Variants in HSD17B12 observed in about 807,000 individuals in gnomAD.
HSD17B12 encodes the protein hydroxysteroid 17-beta dehydrogenase 12.
In HSD17B12, 32 loss-of-function variants were observed where a neutral mutation model predicts 39.3. The observed-to-expected ratio is 0.81, with a 90% CI of 0.61 to 1.09. HSD17B12 has a LOEUF of 1.09. HSD17B12 is among the 50% of genes least tolerant of loss of function. The pLI is 0.00. For missense variants in HSD17B12, 342 were observed against 382.9 expected, an observed-to-expected ratio of 0.89 and a Z score of 0.89; for synonymous variants, 150 against 146.7, an observed-to-expected ratio of 1.02 and a Z score of -0.16.
At chr11:43,719,148 C>G (rs1950153104) in intron 1 of HSD17B12, 2 of 757,226 alleles carry the variant, frequency 2.6e-6, no homozygotes, top group Non-Finnish European at 4.8e-6. Context: ...ATCATCTAAA[C>G]TTAGTCCAGA....
intron 1 of HSD17B12, among the ~76,000 whole-genome samples, chr11:43,716,636 G>A (rs934993377): frequency 6.6e-6 from 1 of 150,812 alleles, no homozygotes; most frequent in Non-Finnish European, 1.5e-5. Flanking sequence ...TTCCTCTCCT[G>A]GAGGAATTAA....
chr11:43,731,695 C>T (rs1950268871), intron 1 of HSD17B12, among the ~76,000 whole-genome samples: 2 of 152,234 alleles, frequency 1.3e-5, no homozygotes, highest in South Asian at 4.1e-4. Context: ...AATTTGGAAA[C>T]AGATACTTCC....
intron 3 of HSD17B12, among the ~76,000 whole-genome samples, chr11:43,772,050 C>T (rs1014020687): frequency 4.6e-5 from 7 of 152,084 alleles, no homozygotes; most frequent in East Asian, 1.9e-4. Flanking sequence ...CTGTCTCTCT[C>T]GAAAGCTGAA....
chr11:43,714,040 C>T (rs1950096614), intron 1 of HSD17B12, among the ~76,000 whole-genome samples: 1 of 152,074 alleles, frequency 6.6e-6, no homozygotes, highest in African/African-American at 2.4e-5. Flanking sequence ...GTCAGATGAG[C>T]AGATTGCAAA....
chr11:43,673,951 A>G, the HSD17B12 span, among the ~76,000 whole-genome samples: 1 of 152,230 alleles, frequency 6.6e-6, no homozygotes, highest in East Asian at 1.9e-4. Flanking sequence ...TGGGGTTAAG[A>G]GTAGTACCTA....
chr11:43,718,650 T>C (rs957379152), intron 1 of HSD17B12: 2 of 693,608 alleles, frequency 2.9e-6, no homozygotes, highest in African/African-American at 3.6e-5. Flanking sequence ...GTATCAAAAA[T>C]ATACCTTGAA....
At chr11:43,669,659 G>A in the HSD17B12 span, among the ~76,000 whole-genome samples, 80 of 152,226 alleles carry the variant, frequency 5.3e-4, no homozygotes, top group Admixed American at 1.4e-3. Flanking sequence ...CATTTTGAAC[G>A]TTCCTTGGCT....
chr11:43,671,338 C>A, the HSD17B12 span, among the ~76,000 whole-genome samples: 4 of 152,322 alleles, frequency 2.6e-5, no homozygotes, highest in East Asian at 7.7e-4. Flanking sequence ...TGCCACCACA[C>A]CCAGCTAATT....
rs1951306920 is a variant in HSD17B12 at position 43,831,200 on chromosome 11, A to AT, written c.536+192dup. The AT allele has an allele frequency of 2.3e-6, 1 of 435,514 alleles. No homozygotes were observed. The highest frequency in any genetic ancestry group is 4.2e-5 in the South Asian group (1 of 23,592). The allele number at this position is 435,514 out of a possible 1,614,324, so 27.0% of individuals were successfully genotyped here. On this transcript the variant is annotated intron_variant, in intron 7 of 10. Transcript: ENST00000278353. The surrounding 1 kb of genome is among the most constrained non-coding windows in gnomAD (Gnocchi z 4.1). The stretch of plus-strand genomic sequence containing the variant: ...CGGTGGTGGAGGCCTTTTCCACTCG[A>AT]TTCCCTTTTTATTTCTCTCTCTAGG...
intron 3 of HSD17B12, among the ~76,000 whole-genome samples, chr11:43,772,349 G>A (rs968370349): frequency 6.6e-5 from 10 of 152,098 alleles, no homozygotes; most frequent in African/African-American, 2.4e-4. Context: ...CGTTTAAGTT[G>A]GTGTGTACTA....
At chr11:43,785,555 G>T (rs1950808236) in intron 3 of HSD17B12, among the ~76,000 whole-genome samples, 1 of 152,114 alleles carries the variant, frequency 6.6e-6, no homozygotes, top group Non-Finnish European at 1.5e-5. Context: ...ATCTACTTCT[G>T]CATTCAGTCT....
intron 1 of HSD17B12, chr11:43,733,716 G>A (rs565772358): frequency 6.0e-5 from 34 of 567,400 alleles, no homozygotes; most frequent in South Asian, 5.0e-4. Flanking sequence ...TCATGTGGAG[G>A]TCAGAGTGGA....
chr11:43,624,849 T>G, the HSD17B12 span, among the ~76,000 whole-genome samples: 388 of 151,740 alleles, frequency 2.6e-3, 2 homozygotes, highest in African/African-American at 8.5e-3. Context: ...TGAAATTCAT[T>G]CATGCCAGAA....
intron 5 of HSD17B12, 146 bp downstream of exon 5, chr11:43,815,647 C>G: frequency 2.1e-6 from 1 of 480,252 alleles, no homozygotes. Context: ...GGGTATGGGC[C>G]TAGCCATACT....
chr11:43,696,091 A>G lies in HSD17B12; in HGVS notation c.160+15104A>G, dbSNP rs566128211. Among the ~76,000 whole-genome samples, 6 of 152,300 alleles carry G rather than the reference A, an allele frequency of 3.9e-5. No individual in the cohort carries two copies. The East Asian group carries it at 9.7e-4, about 25-fold the overall frequency. On this transcript the variant is annotated intron_variant, in intron 1 of 10. Coordinates refer to ENST00000278353, the MANE Select transcript of HSD17B12 (RefSeq NM_016142.3). ...ATAGTTCCCACTTATAAGTGAGAAC[A>G]TGTGGTATTTGGTTTTCTGTTCCTG...
At chr11:43,805,096 G>T (rs1324853828) in intron 4 of HSD17B12, among the ~76,000 whole-genome samples, 1 of 152,192 alleles carries the variant, frequency 6.6e-6, no homozygotes, top group East Asian at 1.9e-4. Context: ...AGCATACTAG[G>T]AGTTTATGCA....
intron 1 of HSD17B12, chr11:43,718,681 G>C: frequency 1.3e-6 from 1 of 790,278 alleles, no homozygotes; most frequent in South Asian, 1.5e-5. Flanking sequence ...ACAAGATGGC[G>C]CTGAAAGCAA....
the HSD17B12 span, among the ~76,000 whole-genome samples, chr11:43,564,968 C>A: frequency 1.3e-5 from 2 of 148,484 alleles, no homozygotes; most frequent in African/African-American, 5.0e-5. Flanking sequence ...GGCACTGTGT[C>A]GGCTGGCTGC....
At chr11:43,730,192 G>T (rs1286545312) in intron 1 of HSD17B12, among the ~76,000 whole-genome samples, 1 of 152,048 alleles carries the variant, frequency 6.6e-6, no homozygotes, top group Non-Finnish European at 1.5e-5. Flanking sequence ...TTAACCACTG[G>T]TCCAGGTTGA....
Sources: gnomAD v4.1 joint callset for allele counts (sites outside exome capture counted in the v4.1 genomes callset) on GRCh38, gnomAD v4.1.1 for gene constraint, Gnocchi (gnomAD v3.1) non-coding constraint, MANE v1.5 for transcripts, NCBI Gene and HGNC (gene_info 2026-07-23, HGNC 2026-07-21) for gene names.